Variants in ZFP64 observed in about 807,000 individuals in gnomAD.
The protein encoded by ZFP64 is ZFP64 zinc finger protein.
ZFP64 carries 14 observed loss-of-function variants against 51.6 expected under a neutral mutation model. The observed-to-expected ratio is 0.27, with a 90% CI of 0.18 to 0.42. The LOEUF is 0.42. Among genes scored for constraint, ZFP64 ranks in the 10% least tolerant of loss-of-function variants. ZFP64 has a pLI of 1.00. For synonymous variants in ZFP64, 375 were observed against 361.4 expected (o/e 1.04, Z -0.43); for missense variants, 754 against 906.8 (o/e 0.83, Z 2.16).
chr20:52,123,951 G>A (rs983723814), intron 5 of ZFP64, among the ~76,000 whole-genome samples: 2 of 151,884 alleles, frequency 1.3e-5, no homozygotes, highest in African/African-American at 2.4e-5. Context: ...CTCACTGCAA[G>A]CTCCACCTCC....
At chr20:52,119,262 A>ATCCCAGCACTT (rs1979036180) in intron 5 of ZFP64, among the ~76,000 whole-genome samples, 1 of 151,860 alleles carries the variant, frequency 6.6e-6, no homozygotes. Context: ...CACGCCTGTA[A>ATCCCAGCACTT]TCCCAGCACT....
intron 2 of ZFP64, 128 bp from the exon 3 acceptor site, chr20:52,166,153 G>C (rs772795003): frequency 3.6e-6 from 3 of 823,420 alleles, no homozygotes; most frequent in Non-Finnish European, 5.3e-6. Context: ...CGGCTTCACA[G>C]TGATCATGTG....
At chr20:52,095,788 TTTCA>T (rs2078982304) in intron 7 of ZFP64, among the ~76,000 whole-genome samples, 1 of 152,174 alleles carries the variant, frequency 6.6e-6, no homozygotes, top group South Asian at 2.1e-4. Context: ...GTTCCAGGCC[TTTCA>T]TTCTTGTGAA....
chr20:52,156,310 G>A (rs1479349013), intron 5 of ZFP64, among the ~76,000 whole-genome samples: 3 of 152,202 alleles, frequency 2.0e-5, no homozygotes, highest in South Asian at 4.1e-4. Context: ...CAACCATGTC[G>A]TTGGGTTTGG....
chr20:52,153,154 C>T lies in ZFP64; in HGVS notation c.1038G>A (p.Ser346=), dbSNP rs769182200. ...TGCTGGAGCAGGAGTAGCTGCATTC[C>T]GAGCACTTCTCAGGATGCTCCGACT... ...VHQSEHPEKC[S]ECSYSCSSKA... is the part of the protein sequence containing the mutation. Residue 346 remains serine, a synonymous_variant, in exon 6 of 6, where the codon TCG becomes TCA. Coordinates refer to ENST00000216923, the MANE Select transcript of ZFP64 (RefSeq NM_018197.3). This position sits in a 1 kb window ranked among gnomAD's most constrained non-coding sequence, Gnocchi z 5.1. The T allele has an allele frequency of 6.2e-7, 1 of 1,614,194 alleles. No individual in the cohort carries two copies. Among genetic ancestry groups the T allele is most frequent in the South Asian group, 1.1e-5 (1 of 91,084 alleles).
intron 2 of ZFP64, among the ~76,000 whole-genome samples, chr20:52,176,722 G>T (rs112463268): frequency 1.3e-3 from 192 of 151,260 alleles, no homozygotes; most frequent in African/African-American, 4.4e-3. Context: ...TGTTAGCCAG[G>T]ATGGTCTCTA....
In ZFP64 at chr20:52,085,514, G is replaced by C. The variant is rs1025952806; in HGVS notation, c.1229-248C>G. Among the ~76,000 whole-genome samples, 1 of 152,160 alleles carries C rather than the reference G, an allele frequency of 6.6e-6. No individual in the cohort carries two copies. The highest frequency in any genetic ancestry group is 1.5e-5 in the Non-Finnish European group (1 of 68,034). On this transcript the variant is annotated intron_variant, in intron 8 of 8. Coordinates refer to the ZFP64 transcript ENST00000361387. This position sits in a 1 kb window ranked among gnomAD's most constrained non-coding sequence, Gnocchi z 4.3. ...CAGAGAGGTCAAGTTACTTGGCTCA[G>C]GTCAAACAGCAGGGATTTGGAACCC... is the stretch of plus-strand genomic sequence containing the variant.
Position 52,153,352 on chromosome 20 carries a change from C to T in ZFP64, c.840G>A (p.Val280=), listed in dbSNP as rs772290771. 5.0e-6 allele frequency: 8 copies of T among 1,614,062 alleles called. No individual in the cohort carries two copies. In the Admixed American group the frequency reaches 1.0e-4, roughly 20 times the overall value. The change falls in exon 6 of 6, where the codon GTG becomes GTA. Residue 280 remains valine, a synonymous_variant. Coordinates refer to ENST00000216923, the MANE Select transcript of ZFP64 (RefSeq NM_018197.3). This position sits in a 1 kb window ranked among gnomAD's most constrained non-coding sequence, Gnocchi z 5.1. The part of the protein sequence containing the change: ...ISSDLKRHMR[V]HSGEKPFKCE... ...ACTTGAAAGGCTTCTCCCCCGAGTG[C>T]ACCCGCATGTGCCTTTTCAAGTCCG...
At chr20:52,100,252 GT>G (rs1555879408) in intron 5 of ZFP64, among the ~76,000 whole-genome samples, 2 of 149,958 alleles carry the variant, frequency 1.3e-5, no homozygotes, top group African/African-American at 4.9e-5. Flanking sequence ...GCCTCCCAAA[GT>G]TTTTTTTTTT....
At chr20:52,125,286 T>G (rs1979394556) in intron 5 of ZFP64, among the ~76,000 whole-genome samples, 1 of 152,162 alleles carries the variant, frequency 6.6e-6, no homozygotes, top group Non-Finnish European at 1.5e-5. Flanking sequence ...CAGCAGCATG[T>G]GAAGGAGCTG....
chr20:52,136,112 A>AG (rs1324251220), intron 5 of ZFP64, among the ~76,000 whole-genome samples: 9 of 150,158 alleles, frequency 6.0e-5, no homozygotes, highest in East Asian at 1.9e-4. Context: ...AAAAAAAAAA[A>AG]AAAAAAAAGA....
chr20:52,190,844 T>C (rs1984314814), intron 1 of ZFP64, among the ~76,000 whole-genome samples: 1 of 151,996 alleles, frequency 6.6e-6, no homozygotes, highest in Non-Finnish European at 1.5e-5. Flanking sequence ...TGCTTCAGAG[T>C]TGCCCAGGCA....
chr20:52,094,131 A>G (rs936120459), intron 7 of ZFP64, among the ~76,000 whole-genome samples: 1 of 152,158 alleles, frequency 6.6e-6, no homozygotes, highest in African/African-American at 2.4e-5. Flanking sequence ...CAAGGAATGC[A>G]GCTGGGGTGA....
chr20:52,097,891 AC>A (rs1232271405), intron 6 of ZFP64, among the ~76,000 whole-genome samples: 1 of 98,126 alleles, frequency 1.0e-5, no homozygotes, highest in African/African-American at 4.4e-5. Context: ...TAACGTAGAG[AC>A]CCCCGCCCCC....
intron 5 of ZFP64, among the ~76,000 whole-genome samples, chr20:52,143,303 TC>T (rs1980367024): frequency 7.0e-6 from 1 of 142,060 alleles, no homozygotes; most frequent in Non-Finnish European, 1.6e-5. Flanking sequence ...TCTGGCCCTA[TC>T]CCCTTTAAAG....
intron 5 of ZFP64, chr20:52,110,576 G>T: frequency 1.4e-6 from 1 of 716,482 alleles, no homozygotes; most frequent in South Asian, 1.6e-5. Flanking sequence ...TGGTCCTGCC[G>T]CTGCTTCCAG....
intron 5 of ZFP64, among the ~76,000 whole-genome samples, chr20:52,102,557 T>A (rs2122775515): frequency 6.6e-6 from 1 of 152,268 alleles, no homozygotes; most frequent in East Asian, 1.9e-4. Context: ...AAAGCCTCAT[T>A]ACATAGCAAC....
At chr20:52,117,581 T>C in intron 5 of ZFP64, 1 of 451,568 alleles carries the variant, frequency 2.2e-6, no homozygotes, top group Non-Finnish European at 4.4e-6. Context: ...ATCGCGCCAT[T>C]GCACTCTAGC....
intron 5 of ZFP64, chr20:52,110,764 TC>T (rs1022975337): frequency 5.4e-5 from 87 of 1,596,702 alleles, no homozygotes; most frequent in Admixed American, 1.2e-4. Context: ...AAAGTCCCCC[TC>T]CCGGGAGAGG....
Sources: gnomAD v4.1 joint callset for allele counts (sites outside exome capture counted in the v4.1 genomes callset) on GRCh38, gnomAD v4.1.1 for gene constraint, Gnocchi (gnomAD v3.1) non-coding constraint, MANE v1.5 for transcripts, NCBI Gene and HGNC (gene_info 2026-07-23, HGNC 2026-07-21) for gene names.